The following STPG2 variants were observed in gnomAD, a reference collection of about 807,000 sequenced individuals.
STPG2 encodes the protein sperm tail PG-rich repeat containing 2, also known as sperm-tail PG-rich repeat-containing protein 2.
A neutral mutation model predicts 54.2 loss-of-function variants in STPG2; 56 were observed. The observed-to-expected ratio is 1.03, with a 90% confidence interval of 0.83 to 1.29. The LOEUF is 1.29. Among genes scored for constraint, STPG2 ranks in the 50% most tolerant of loss-of-function variants. The pLI, the probability that STPG2 is intolerant of heterozygous loss-of-function variation, is 0.00. For synonymous variants in STPG2, 200 were observed against 181.8 expected (o/e 1.10, Z -0.81); for missense variants, 596 against 544.9 (o/e 1.09, Z -0.93).
intron 10 of STPG2, among the ~76,000 whole-genome samples, chr4:97,651,386 A>T (rs1021549529): frequency 3.3e-5 from 5 of 152,152 alleles, no homozygotes; most frequent in Non-Finnish European, 7.4e-5. Context: ...TATAAAAATC[A>T]ATCTTGAGTG....
intron 9 of STPG2, among the ~76,000 whole-genome samples, chr4:97,812,726 T>G (rs1727779706): frequency 6.6e-6 from 1 of 152,106 alleles, no homozygotes; most frequent in African/African-American, 2.4e-5. Flanking sequence ...CTAATCAATA[T>G]TCTCCCCACA....
chr4:97,680,998 TTTTA>T (rs940556474), intron 10 of STPG2, among the ~76,000 whole-genome samples: 3 of 151,982 alleles, frequency 2.0e-5, no homozygotes, highest in African/African-American at 7.2e-5. Context: ...AAATCTATGT[TTTTA>T]TTTATGTTAT....
intron 8 of STPG2, among the ~76,000 whole-genome samples, chr4:97,849,112 T>C (rs1386516477): frequency 6.6e-6 from 1 of 151,050 alleles, no homozygotes; most frequent in Non-Finnish European, 1.5e-5. Context: ...TTTCACGATA[T>C]TGATTCTTCC....
intron 8 of STPG2, among the ~76,000 whole-genome samples, chr4:97,940,263 G>A (rs1457192385): frequency 6.6e-6 from 1 of 152,096 alleles, no homozygotes; most frequent in Non-Finnish European, 1.5e-5. Context: ...GAAAATCTGA[G>A]GTTTCTGTGT....
At chr4:97,670,045 CT>C (rs1343303506) in intron 10 of STPG2, among the ~76,000 whole-genome samples, 2 of 151,672 alleles carry the variant, frequency 1.3e-5, no homozygotes, top group Non-Finnish European at 2.9e-5. Context: ...AAAAGGTATC[CT>C]TTTTTAAAAA....
intron 9 of STPG2, among the ~76,000 whole-genome samples, chr4:97,771,345 G>C (rs1726212810): frequency 6.6e-6 from 1 of 152,170 alleles, no homozygotes; most frequent in African/African-American, 2.4e-5. Context: ...CTAGGACTAA[G>C]ATAGAGTACC....
At chr4:97,832,427 C>T (rs1315517714) in intron 9 of STPG2, among the ~76,000 whole-genome samples, 2 of 152,154 alleles carry the variant, frequency 1.3e-5, no homozygotes, top group Non-Finnish European at 2.9e-5. Flanking sequence ...TGGGCAAAAA[C>T]TGGAAGCATT....
intron 4 of STPG2, among the ~76,000 whole-genome samples, chr4:97,534,059 A>G (rs1271294851): frequency 2.0e-5 from 3 of 152,174 alleles, no homozygotes; most frequent in Admixed American, 6.5e-5. Flanking sequence ...TCCGCATTGT[A>G]ACCAACACTT....
intron 8 of STPG2, among the ~76,000 whole-genome samples, chr4:97,886,109 C>T (rs1395586366): frequency 1.3e-5 from 2 of 152,046 alleles, no homozygotes; most frequent in African/African-American, 4.8e-5. Context: ...TATAATTCAA[C>T]AAAATCTTCT....
At chr4:97,834,637 A>G (rs1728577487) in intron 9 of STPG2, among the ~76,000 whole-genome samples, 1 of 152,104 alleles carries the variant, frequency 6.6e-6, no homozygotes, top group Non-Finnish European at 1.5e-5. Flanking sequence ...ATATGTTTCA[A>G]GAAATATGGT....
At chr4:97,659,652 C>T (rs569749800) in intron 10 of STPG2, among the ~76,000 whole-genome samples, 1 of 152,318 alleles carries the variant, frequency 6.6e-6, no homozygotes. Context: ...TGGCACACTA[C>T]ATAATCCTTG....
intron 9 of STPG2, among the ~76,000 whole-genome samples, chr4:97,779,231 C>T (rs550566152): frequency 5.9e-5 from 9 of 152,206 alleles, no homozygotes; most frequent in African/African-American, 2.2e-4. Flanking sequence ...GTAGAGAAGT[C>T]CTTAAATGAC....
chr4:98,038,842 G>A (rs1477557774), intron 5 of STPG2, among the ~76,000 whole-genome samples: 1 of 151,892 alleles, frequency 6.6e-6, no homozygotes, highest in African/African-American at 2.4e-5. Flanking sequence ...AAATCAACAG[G>A]CAGAGAATAT....
chr4:97,693,076 A>G (rs1723426708), intron 10 of STPG2, among the ~76,000 whole-genome samples: 1 of 151,824 alleles, frequency 6.6e-6, no homozygotes, highest in Non-Finnish European at 1.5e-5. Context: ...CTTAAAATAC[A>G]CCAAAATAGA....
At chr4:97,505,602 T>G (rs967571687) in intron 4 of STPG2, among the ~76,000 whole-genome samples, 1 of 152,002 alleles carries the variant, frequency 6.6e-6, no homozygotes, top group African/African-American at 2.4e-5. Flanking sequence ...AATTGTGCAC[T>G]GATATTGTCC....
intron 9 of STPG2, among the ~76,000 whole-genome samples, chr4:97,717,670 G>A (rs564636501): frequency 6.6e-6 from 1 of 152,242 alleles, no homozygotes; most frequent in South Asian, 2.1e-4. Flanking sequence ...CTTCCACTCT[G>A]TGATAACGTA....
intron 9 of STPG2, among the ~76,000 whole-genome samples, chr4:97,739,683 A>G (rs1469385791): frequency 6.6e-6 from 1 of 152,232 alleles, no homozygotes; most frequent in Non-Finnish European, 1.5e-5. Context: ...GAATCTCTGA[A>G]TAGACCAATA....
At chr4:97,956,605 C>A (rs1013792036) in intron 7 of STPG2, among the ~76,000 whole-genome samples, 1 of 152,084 alleles carries the variant, frequency 6.6e-6, no homozygotes, top group Admixed American at 6.6e-5. Context: ...TGCTGGTATC[C>A]ATGGCTGAGA....
intron 9 of STPG2, among the ~76,000 whole-genome samples, chr4:97,722,754 T>G (rs551008434): frequency 6.6e-6 from 1 of 151,772 alleles, no homozygotes; most frequent in East Asian, 1.9e-4. Flanking sequence ...TTTGTTCTCC[T>G]TTACATCATA....
Sources: allele counts gnomAD v4.1 joint callset (sites outside exome capture counted in the v4.1 genomes callset), GRCh38; gene constraint gnomAD v4.1.1; transcripts MANE v1.5; gene names NCBI Gene and HGNC (gene_info 2026-07-23, HGNC 2026-07-21).